ADGRL3: variants seen among roughly 807,000 people sequenced by gnomAD.
The protein encoded by ADGRL3 is adhesion G protein-coupled receptor L3.
ADGRL3 carries 62 observed loss-of-function variants against 153.5 expected under a neutral mutation model. The ratio of observed to expected loss-of-function variants is 0.40; its 90% CI spans 0.33 to 0.50. ADGRL3 has a LOEUF of 0.50. Ranked by LOEUF, ADGRL3 falls within the 20% of genes least tolerant of loss-of-function variation. ADGRL3 has a pLI of 0.47. For synonymous variants in ADGRL3, 710 were observed against 672.5 expected, an observed-to-expected ratio of 1.06 and a Z score of -0.86; for missense variants, 1,641 against 1,859.4, an observed-to-expected ratio of 0.88 and a Z score of 2.16.
intron 8 of ADGRL3, among the ~76,000 whole-genome samples, chr4:61,779,181 G>A (rs1253148520): frequency 6.6e-6 from 1 of 152,052 alleles, no homozygotes; most frequent in East Asian, 1.9e-4. Flanking sequence ...TGGTAAATTA[G>A]AAGTGTCCTA....
intron 8 of ADGRL3, among the ~76,000 whole-genome samples, chr4:61,808,606 G>A (rs774697288): frequency 7.9e-5 from 12 of 152,052 alleles, no homozygotes; most frequent in Non-Finnish European, 1.3e-4. Context: ...CCTGAGAGCC[G>A]ACTTTATAAA....
intron 5 of ADGRL3, among the ~76,000 whole-genome samples, chr4:61,611,238 C>T (rs950092590): frequency 6.6e-6 from 1 of 151,998 alleles, no homozygotes; most frequent in African/African-American, 2.4e-5. Context: ...AGATGAGATG[C>T]GGAAGAACCC....
intron 6 of ADGRL3, among the ~76,000 whole-genome samples, chr4:61,709,584 A>G (rs1229865251): frequency 6.6e-6 from 1 of 152,172 alleles, no homozygotes; most frequent in Non-Finnish European, 1.5e-5. Flanking sequence ...GATTATATAT[A>G]ATTCACTCAC....
intron 8 of ADGRL3, among the ~76,000 whole-genome samples, chr4:61,774,248 T>C (rs2152324959): frequency 6.6e-6 from 1 of 150,448 alleles, no homozygotes; most frequent in East Asian, 2.0e-4. Flanking sequence ...TCCCAGCTAC[T>C]CAGGAGGCTG....
intron 1 of ADGRL3, among the ~76,000 whole-genome samples, chr4:61,296,085 G>A (rs1352054778): frequency 6.6e-6 from 1 of 152,170 alleles, no homozygotes; most frequent in Non-Finnish European, 1.5e-5. Context: ...GATTTTGGTG[G>A]CTGCATAGTA....
intron 1 of ADGRL3, among the ~76,000 whole-genome samples, chr4:61,372,668 A>C (rs1191657224): frequency 6.6e-6 from 1 of 152,170 alleles, no homozygotes; most frequent in East Asian, 1.9e-4. Flanking sequence ...TGCAGAGGTT[A>C]CTGCTGTCTT....
intron 19 of ADGRL3, among the ~76,000 whole-genome samples, chr4:61,993,660 T>C (rs1372586518): frequency 6.6e-6 from 1 of 151,912 alleles, no homozygotes; most frequent in East Asian, 1.9e-4. Context: ...CCTTTGAAAA[T>C]CTTCCTTCCC....
chr4:61,793,559 C>T (rs2097370582), intron 8 of ADGRL3, among the ~76,000 whole-genome samples: 1 of 152,132 alleles, frequency 6.6e-6, no homozygotes, highest in South Asian at 2.1e-4. Flanking sequence ...GTGAGAATTA[C>T]AATTCAAGAT....
intron 8 of ADGRL3, among the ~76,000 whole-genome samples, chr4:61,774,357 CAAAA>C (rs372436258): frequency 0.17 from 10,057 of 60,176 alleles, 928 homozygotes; most frequent in African/African-American, 0.38. Context: ...AACTCTGTCT[CAAAA>C]AAAAAAAAAA....
At chr4:61,591,674 A>G (rs1225650404) in intron 5 of ADGRL3, among the ~76,000 whole-genome samples, 1 of 152,108 alleles carries the variant, frequency 6.6e-6, no homozygotes, top group African/African-American at 2.4e-5. Flanking sequence ...TAGGTGTTAA[A>G]TGTACAAAGT....
At chr4:61,203,834 A>G (rs1015874808) in intron 1 of ADGRL3, among the ~76,000 whole-genome samples, 5 of 152,198 alleles carry the variant, frequency 3.3e-5, no homozygotes, top group Admixed American at 6.5e-5. Context: ...ATAATCACCA[A>G]AATAGGATAC....
intron 9 of ADGRL3, among the ~76,000 whole-genome samples, chr4:61,876,113 C>CT (rs917788581): frequency 1.3e-5 from 2 of 150,200 alleles, no homozygotes; most frequent in Non-Finnish European, 3.0e-5. Flanking sequence ...TTTTTTTTTC[C>CT]TTTTTAGATA....
intron 2 of ADGRL3, among the ~76,000 whole-genome samples, chr4:61,472,008 G>T (rs1449751797): frequency 2.0e-5 from 3 of 151,872 alleles, no homozygotes; most frequent in Non-Finnish European, 1.5e-5. Context: ...GAAACAGTAA[G>T]CCAATTAACA....
chr4:62,076,118 T>C lies in ADGRL3; in HGVS notation c.*5210T>C, dbSNP rs1747044360. ...TCTGCAATAAAACAGGTAGTTAATA[T>C]AGTTTCGCATAATCTCATTGAAAGA... On this transcript the variant is annotated 3_prime_UTR_variant, in exon 27 of 27. Coordinates refer to ENST00000683033, the MANE Select transcript of ADGRL3 (RefSeq NM_001387552.1). The C allele has an allele frequency of 6.6e-6, 1 of 152,134 alleles. No individual in the cohort carries two copies. The highest frequency in any genetic ancestry group is 2.4e-5 in the African/African-American group (1 of 41,448). The allele number at this position is 152,134 out of a possible 1,614,324, so 9.4% of individuals were successfully genotyped here. A position where few individuals can be genotyped will look rare whatever the true frequency, so the allele number is the denominator to read the frequency against.
intron 1 of ADGRL3, among the ~76,000 whole-genome samples, chr4:61,330,093 C>T (rs1262269411): frequency 6.6e-6 from 1 of 152,198 alleles, no homozygotes; most frequent in Admixed American, 6.5e-5. Flanking sequence ...TCCTACATGA[C>T]TTCACAATTT....
intron 24 of ADGRL3, among the ~76,000 whole-genome samples, chr4:62,041,371 T>C (rs914087501): frequency 2.6e-5 from 4 of 152,108 alleles, no homozygotes; most frequent in Non-Finnish European, 4.4e-5. Context: ...GACTTTCTCG[T>C]AATTGTTTTG....
intron 2 of ADGRL3, chr4:61,385,774 A>G (rs2096728701): frequency 1.3e-5 from 2 of 152,336 alleles, no homozygotes; most frequent in South Asian, 4.1e-4. Flanking sequence ...AGTACCAAAT[A>G]AACTATTATA....
intron 1 of ADGRL3, among the ~76,000 whole-genome samples, chr4:61,363,093 A>C (rs1333611601): frequency 6.6e-6 from 1 of 152,168 alleles, no homozygotes; most frequent in African/African-American, 2.4e-5. Context: ...GGAACTTAAA[A>C]TATTTCTTTT....
intron 4 of ADGRL3, among the ~76,000 whole-genome samples, chr4:61,577,347 A>G (rs765393873): frequency 4.6e-5 from 7 of 152,024 alleles, no homozygotes; most frequent in African/African-American, 7.2e-5. Context: ...AAAATTTTGT[A>G]TAGTTTTAAC....
Sources: gnomAD v4.1 joint callset for allele counts (sites outside exome capture counted in the v4.1 genomes callset) on GRCh38, gnomAD v4.1.1 for gene constraint, MANE v1.5 for transcripts, NCBI Gene and HGNC (gene_info 2026-07-23, HGNC 2026-07-21) for gene names.